Variants in NSD3 observed in about 807,000 individuals in gnomAD.
NSD3 encodes histone-lysine N-methyltransferase NSD3.
In NSD3, 24 loss-of-function variants were observed where a neutral mutation model predicts 160.8. The observed-to-expected ratio is 0.15, with a 90% CI of 0.11 to 0.21. The LOEUF is 0.21. Among genes scored for constraint, NSD3 ranks in the 10% least tolerant of loss-of-function variants. NSD3 has a pLI of 1.00. For missense variants in NSD3, 1,157 were observed against 1,735.9 expected (o/e 0.67, Z 5.93); for synonymous variants, 520 against 600.0 (o/e 0.87, Z 1.95).
intron 1 of NSD3, among the ~76,000 whole-genome samples, chr8:38,363,097 A>C (rs1811022982): frequency 6.6e-6 from 1 of 152,206 alleles, no homozygotes; most frequent in Non-Finnish European, 1.5e-5. Flanking sequence ...AGAAAAACAA[A>C]ACAAAACTAC....
intron 2 of NSD3, among the ~76,000 whole-genome samples, chr8:38,345,479 A>G (rs1349350809): frequency 2.0e-5 from 3 of 152,290 alleles, no homozygotes; most frequent in Admixed American, 2.0e-4. Flanking sequence ...AGTCAATGCC[A>G]CTTTCTCCAG....
At chr8:38,337,632 C>T (rs1447449368) in intron 3 of NSD3, 165 bp from the exon 4 acceptor site, 4 of 455,180 alleles carry the variant, frequency 8.8e-6, no homozygotes, top group Non-Finnish European at 1.4e-5. Context: ...GTATAAAGTA[C>T]ATTAAAAATG....
rs1221486718 is a variant in NSD3, at chr8:38,318,839, C to A, written c.1855+56G>T. The A allele has an allele frequency of 4.6e-6, 7 of 1,519,162 alleles. No homozygotes were observed. The highest frequency in any genetic ancestry group is 6.3e-6 in the Non-Finnish European group (7 of 1,105,044). 94.1% of individuals were successfully genotyped at this position (1,519,162 alleles called of 1,614,324 possible). A position where few individuals can be genotyped will look rare whatever the true frequency, so the allele number is the denominator to read the frequency against. On this transcript the variant is annotated intron_variant, in intron 9 of 23. Coordinates refer to ENST00000317025, the MANE Select transcript of NSD3 (RefSeq NM_023034.2). This position sits in a 1 kb window ranked among gnomAD's most constrained non-coding sequence, Gnocchi z 5.3. ...AAAAATACATGAAGTACAAATAATT[C>A]TTAAAAATTGGTTTTAATCAAGGAA...
chr8:38,322,901 T>C (rs1404638408), intron 7 of NSD3, among the ~76,000 whole-genome samples: 1 of 152,242 alleles, frequency 6.6e-6, no homozygotes, highest in Non-Finnish European at 1.5e-5. Context: ...AACAAGTTTC[T>C]ATTTTGACTT....
intron 12 of NSD3, 26 bp downstream of exon 12, chr8:38,314,621 A>G (rs1461156602): frequency 6.2e-7 from 1 of 1,613,878 alleles, no homozygotes; most frequent in South Asian, 1.1e-5. Flanking sequence ...TCATCTTTTC[A>G]TGACTATCGA....
intron 3 of NSD3, 64 bp from the exon 4 acceptor site, chr8:38,337,531 T>A: frequency 3.0e-6 from 4 of 1,329,502 alleles, no homozygotes; most frequent in Non-Finnish European, 3.9e-6. Flanking sequence ...ATAAAGTACA[T>A]TAAAAATGCT....
intron 1 of NSD3, among the ~76,000 whole-genome samples, chr8:38,381,396 A>G (rs1174654990): frequency 1.3e-5 from 2 of 150,998 alleles, no homozygotes; most frequent in Non-Finnish European, 3.0e-5. Flanking sequence ...TCCATCCCCA[A>G]ATCTCCCTAT....
intron 1 of NSD3, among the ~76,000 whole-genome samples, chr8:38,369,833 T>A (rs1187107009): frequency 3.9e-5 from 6 of 152,124 alleles, no homozygotes; most frequent in Admixed American, 2.6e-4. Flanking sequence ...CTCGCTCTGT[T>A]GCCCAGGCTG....
At position 38,318,986 on chromosome 8, in the gene NSD3, TTTTAA is replaced by T. The variant is rs1809736813; in HGVS notation, c.1810-51_1810-47del. 6.6e-6 allele frequency: 10 copies of T among 1,516,522 alleles called. No individual in the cohort carries two copies. The highest frequency in any genetic ancestry group is 9.0e-6 in the Non-Finnish European group (10 of 1,108,960). The allele number at this position is 1,516,522 out of a possible 1,614,324, so 93.9% of individuals were successfully genotyped here. On this transcript the variant is annotated intron_variant, in intron 8 of 23. Coordinates refer to ENST00000317025, the MANE Select transcript of NSD3 (RefSeq NM_023034.2). The surrounding 1 kb of genome is among the most constrained non-coding windows in gnomAD (Gnocchi z 5.3). Reference sequence around the variant, plus strand: ...AGCATTAACAAAGAATTTTTTTCCCTTTTAATTATTAACAGAGGGAAAAGATACTT... The same window carrying T: ...AGCATTAACAAAGAATTTTTTTCCCTTTATTAACAGAGGGAAAAGATACTT...
At chr8:38,312,468 G>C (rs186581030) in intron 12 of NSD3, among the ~76,000 whole-genome samples, 1 of 152,106 alleles carries the variant, frequency 6.6e-6, no homozygotes, top group African/African-American at 2.4e-5. Flanking sequence ...TCTTAAATCA[G>C]GGATTGCATA....
Position 38,318,296 on chromosome 8 carries a change from C to A in NSD3, c.1855+599G>T, listed in dbSNP as rs1809716598. ...ACAGTTTGATCTCACCAAAAACGCA[C>A]GAATCATGCTATGGAGTTTGTACTG... On this transcript the variant is annotated intron_variant, in intron 9 of 23. Coordinates refer to ENST00000317025, the MANE Select transcript of NSD3 (RefSeq NM_023034.2). The surrounding 1 kb of genome is among the most constrained non-coding windows in gnomAD (Gnocchi z 5.3). Among the ~76,000 whole-genome samples, 2 of 152,070 alleles carry A rather than the reference C, an allele frequency of 1.3e-5. No individual in the cohort carries two copies. Among genetic ancestry groups the A allele is most frequent in the African/African-American group, 4.8e-5 (2 of 41,398 alleles).
chr8:38,334,962 C>CT (rs1333389138), intron 4 of NSD3, among the ~76,000 whole-genome samples: 1 of 151,072 alleles, frequency 6.6e-6, no homozygotes, highest in Non-Finnish European at 1.5e-5. Context: ...AGGAAACTGC[C>CT]TGGGGGTACC....
intron 1 of NSD3, among the ~76,000 whole-genome samples, chr8:38,362,406 TAAGA>T (rs898231643): frequency 5.9e-5 from 9 of 151,998 alleles, no homozygotes; most frequent in African/African-American, 1.9e-4. Context: ...TCTTCCTTCC[TAAGA>T]AAGACCTCAT....
At chr8:38,342,995 C>T (rs1046508477) in intron 2 of NSD3, among the ~76,000 whole-genome samples, 13 of 151,664 alleles carry the variant, frequency 8.6e-5, no homozygotes, top group Non-Finnish European at 1.6e-4. Context: ...AGTTCAAGAT[C>T]AGCCTGGCCA....
chr8:38,346,591 A>C (rs1290522571), intron 2 of NSD3, among the ~76,000 whole-genome samples: 1 of 151,868 alleles, frequency 6.6e-6, no homozygotes, highest in East Asian at 1.9e-4. Context: ...TAAATAAGAA[A>C]ACTATAAAAA....
At position 38,288,665 on chromosome 8, in the gene NSD3, C is replaced by T; in HGVS notation, c.3323G>A (p.Cys1108Tyr). Reference sequence around the variant, plus strand: ...GTTCAGGCACTCCGATTCCAAGCCACAAGGGTTTTCATCAGCTGGCTTGCA... The same window carrying T: ...GTTCAGGCACTCCGATTCCAAGCCATAAGGGTTTTCATCAGCTGGCTTGCA... Reference protein sequence around the residue: ...CNCKPADENPCGLESECLNRM... With the variant: ...CNCKPADENPYGLESECLNRM... Residue 1108 changes from cysteine (C) to tyrosine (Y), a missense_variant, in exon 19 of 24, where the codon TGT (cysteine) becomes TAT (tyrosine). Physicochemically the swap from Cys to Tyr is radical, Grantham distance 194. This residue lies in a region of NSD3 where 437 missense variants were observed against 576.6 expected (regional missense o/e 0.76). Transcript: ENST00000317025. This position sits in a 1 kb window ranked among gnomAD's most constrained non-coding sequence, Gnocchi z 4.5. The T allele has an allele frequency of 6.2e-7, 1 of 1,614,228 alleles. No individual in the cohort carries two copies. The highest frequency in any genetic ancestry group is 8.5e-7 in the Non-Finnish European group (1 of 1,180,040).
chr8:38,350,973 C>CTTTTT (rs35184943), intron 1 of NSD3, among the ~76,000 whole-genome samples: 2 of 134,178 alleles, frequency 1.5e-5, no homozygotes, highest in South Asian at 2.4e-4. Context: ...CTAGAAAGTT[C>CTTTTT]TTTTTTTTTT....
intron 1 of NSD3, among the ~76,000 whole-genome samples, chr8:38,363,513 G>A (rs574839910): frequency 1.3e-5 from 2 of 152,036 alleles, no homozygotes; most frequent in South Asian, 2.1e-4. Flanking sequence ...ATGGTGGTGC[G>A]TGCCTGTAGT....
At chr8:38,372,622 G>A (rs1384682916) in intron 1 of NSD3, among the ~76,000 whole-genome samples, 3 of 150,336 alleles carry the variant, frequency 2.0e-5, no homozygotes, top group Non-Finnish European at 4.4e-5. Context: ...TCAGCCTCCT[G>A]AGTAGCTGGT....
Sources: gnomAD v4.1 joint callset for allele counts (sites outside exome capture counted in the v4.1 genomes callset) on GRCh38, gnomAD v4.1.1 for gene constraint, gnomAD v4.1.1 regional missense constraint, Gnocchi (gnomAD v3.1) non-coding constraint, MANE v1.5 for transcripts, NCBI Gene and HGNC (gene_info 2026-07-23, HGNC 2026-07-21) for gene names.